SPECC1L: variants seen among roughly 807,000 people sequenced by gnomAD.
The protein encoded by SPECC1L is cytospin-A.
In SPECC1L, 40 loss-of-function variants were observed where a neutral mutation model predicts 116.8. The ratio of observed to expected loss-of-function variants is 0.34; its 90% CI spans 0.27 to 0.45. SPECC1L has a LOEUF of 0.45. SPECC1L is among the 20% of genes least tolerant of loss of function. The pLI is 1.00. For missense variants in SPECC1L, 1,110 were observed against 1,373.6 expected (o/e 0.81, Z 3.03); for synonymous variants, 504 against 500.6 (o/e 1.01, Z -0.09).
intron 11 of SPECC1L, 152 bp downstream of exon 11, chr22:24,347,328 A>T (rs2041317428): frequency 1.5e-6 from 1 of 667,368 alleles, no homozygotes; most frequent in Non-Finnish European, 2.7e-6. Flanking sequence ...AGTATATCTA[A>T]ATTACAAGTG....
Position 24,416,493 on chromosome 22 carries a change from T to TA in SPECC1L, c.*1871dup. 6.6e-6 allele frequency: 1 copy of TA among 152,292 alleles called. No individual in the cohort carries two copies. Among genetic ancestry groups the TA allele is most frequent in the South Asian group, 2.1e-4 (1 of 4,842 alleles). The allele number at this position is 152,292 out of a possible 1,614,324, so 9.4% of individuals were successfully genotyped here. A position where few individuals can be genotyped will look rare whatever the true frequency, so the allele number is the denominator to read the frequency against. Reference sequence around the variant, plus strand: ...GAGCCACTGATGTTCATGTGAGAATTACTGTTTTTAAGTGTCTCTCCACTT... The same window carrying TA: ...GAGCCACTGATGTTCATGTGAGAATTAACTGTTTTTAAGTGTCTCTCCACTT... On this transcript the variant is annotated 3_prime_UTR_variant, in exon 17 of 17. Coordinates refer to ENST00000314328, the MANE Select transcript of SPECC1L (RefSeq NM_015330.6).
chr22:24,349,881 G>A (rs1004334828), intron 11 of SPECC1L, among the ~76,000 whole-genome samples: 3 of 152,182 alleles, frequency 2.0e-5, no homozygotes, highest in African/African-American at 7.2e-5. Context: ...TCTTGACACT[G>A]TAGCTTGAAA....
intron 11 of SPECC1L, among the ~76,000 whole-genome samples, chr22:24,362,821 C>T (rs560708794): frequency 6.6e-6 from 1 of 152,170 alleles, no homozygotes; most frequent in East Asian, 1.9e-4. Context: ...ATACTTTTGT[C>T]ATTCTGTTAC....
At position 24,376,816 on chromosome 22, in the gene SPECC1L, G is replaced by GT. The variant is rs58308633; in HGVS notation, c.3087+7508dup. ...TAAGTGAAAATTACACAATCACCTA[G>GT]TTTTTTTTTTTTCTTAAGAAAGAAC... On this transcript the variant is annotated intron_variant, in intron 14 of 16. Transcript: ENST00000314328. 6.2e-3 allele frequency among the ~76,000 whole-genome samples: 899 copies of GT among 145,596 alleles called. 4 individuals are homozygous for GT. Among genetic ancestry groups the GT allele is most frequent in the East Asian group, 0.012 (58 of 5,012 alleles).
chr22:24,399,521 G>C, intron 14 of SPECC1L, among the ~76,000 whole-genome samples: 1 of 151,928 alleles, frequency 6.6e-6, no homozygotes, highest in East Asian at 1.9e-4. Flanking sequence ...GGTGAGCTGA[G>C]ATCCGCGCCA....
In SPECC1L at chr22:24,412,629, GAC is replaced by G. The variant is rs1232787642; in HGVS notation, c.3205-15_3205-14del. ...CTGTGCCTTGTTCATGCACTGCAGT[GAC>G]ACAGTTTCTTTTACAGAGAAGGAAC... On this transcript the variant is annotated splice_polypyrimidine_tract_variant and intron_variant, in intron 15 of 16. Coordinates refer to ENST00000314328, the MANE Select transcript of SPECC1L (RefSeq NM_015330.6). The G allele has an allele frequency of 3.1e-6, 5 of 1,613,910 alleles. No homozygotes were observed. The highest frequency in any genetic ancestry group is 2.2e-5 in the South Asian group (2 of 91,080).
intron 6 of SPECC1L, 113 bp from the exon 7 acceptor site, chr22:24,328,733 C>A: frequency 2.5e-6 from 2 of 786,636 alleles, no homozygotes; most frequent in Non-Finnish European, 4.3e-6. Flanking sequence ...TTTTTATAGT[C>A]TTTGGACAGG....
chr22:24,299,879 A>G (rs553817457), intron 2 of SPECC1L, among the ~76,000 whole-genome samples: 14 of 152,300 alleles, frequency 9.2e-5, no homozygotes, highest in African/African-American at 3.4e-4. Flanking sequence ...ATTAGTAGCC[A>G]GCCTCTATAC....
chr22:24,355,399 A>T (rs1160154819), intron 11 of SPECC1L, among the ~76,000 whole-genome samples: 1 of 151,838 alleles, frequency 6.6e-6, no homozygotes, highest in Non-Finnish European at 1.5e-5. Context: ...TTGTATGTAT[A>T]TGTACCAACT....
At chr22:24,400,294 G>A (rs1269301535) in intron 14 of SPECC1L, among the ~76,000 whole-genome samples, 1 of 152,178 alleles carries the variant, frequency 6.6e-6, no homozygotes, top group Non-Finnish European at 1.5e-5. Context: ...ATTTGACTAT[G>A]GATATTTCAT....
At chr22:24,356,518 A>G (rs2041536559) in intron 11 of SPECC1L, among the ~76,000 whole-genome samples, 1 of 152,084 alleles carries the variant, frequency 6.6e-6, no homozygotes, top group African/African-American at 2.4e-5. Context: ...CTTGCATGGT[A>G]TATTTTTTTC....
chr22:24,302,180 A>G lies in SPECC1L; in HGVS notation c.-37-15A>G, dbSNP rs776592505. ...CCAGTTATGTTCTCAGTGTAATGCCATTTTTTTCCCACAGATTTGCTTGTA... is the reference window on the plus strand; with the variant it reads ...CCAGTTATGTTCTCAGTGTAATGCCGTTTTTTTCCCACAGATTTGCTTGTA... On this transcript the variant is annotated splice_polypyrimidine_tract_variant and intron_variant, in intron 2 of 16. Coordinates refer to ENST00000314328, the MANE Select transcript of SPECC1L (RefSeq NM_015330.6). The G allele has an allele frequency of 1.3e-5, 21 of 1,603,720 alleles. No individual in the cohort carries two copies. The highest frequency in any genetic ancestry group is 2.7e-5 in the African/African-American group (2 of 74,640).
At chr22:24,296,972 A>G (rs369233729) in intron 2 of SPECC1L, among the ~76,000 whole-genome samples, 14,510 of 119,518 alleles carry the variant, frequency 0.12, no homozygotes, top group East Asian at 0.24. Flanking sequence ...CTGAGACCAA[A>G]TCTTACTCTG....
intron 12 of SPECC1L, 47 bp from the exon 13 acceptor site, chr22:24,365,429 G>A (rs776014203): frequency 1.3e-6 from 2 of 1,592,852 alleles, no homozygotes; most frequent in Admixed American, 1.7e-5. Flanking sequence ...CAAGAACTCA[G>A]TCTAAAATGT....
intron 11 of SPECC1L, among the ~76,000 whole-genome samples, chr22:24,357,836 C>A (rs2041561995): frequency 6.6e-6 from 1 of 152,212 alleles, no homozygotes; most frequent in African/African-American, 2.4e-5. Context: ...TGCATTTCAT[C>A]TCAGACAGAG....
At chr22:24,338,356 T>C (rs2146532446) in intron 9 of SPECC1L, 30 bp from the exon 10 acceptor site, 1 of 1,608,658 alleles carries the variant, frequency 6.2e-7, no homozygotes, top group Non-Finnish European at 8.5e-7. Flanking sequence ...ACAGTGACAT[T>C]ATTTCCCTTT....
intron 14 of SPECC1L, among the ~76,000 whole-genome samples, chr22:24,376,427 T>TA (rs2041972872): frequency 6.6e-6 from 1 of 152,230 alleles, no homozygotes; most frequent in African/African-American, 2.4e-5. Context: ...CACTTGCATT[T>TA]ACATATAGTA....
intron 2 of SPECC1L, among the ~76,000 whole-genome samples, chr22:24,290,797 C>A (rs1307119460): frequency 6.6e-6 from 1 of 152,174 alleles, no homozygotes; most frequent in African/African-American, 2.4e-5. Flanking sequence ...GAATGTGTGT[C>A]ATAATTCACC....
intron 6 of SPECC1L, among the ~76,000 whole-genome samples, chr22:24,325,447 A>G (rs541702800): frequency 6.6e-6 from 1 of 152,322 alleles, no homozygotes; most frequent in South Asian, 2.1e-4. Flanking sequence ...AGAGATTGTA[A>G]AGTTTAAATC....
Sources: allele counts gnomAD v4.1 joint callset (sites outside exome capture counted in the v4.1 genomes callset), GRCh38; gene constraint gnomAD v4.1.1; transcripts MANE v1.5; gene names NCBI Gene and HGNC (gene_info 2026-07-23, HGNC 2026-07-21).